Variants in LINGO2 observed in about 807,000 individuals in gnomAD.
LINGO2 encodes the protein leucine-rich repeat and immunoglobulin-like domain-containing nogo receptor-interacting protein 2.
Under a neutral mutation model 30.6 loss-of-function variants are expected in LINGO2, and 14 were observed. The ratio of observed to expected loss-of-function variants is 0.46; its 90% CI spans 0.30 to 0.72. LINGO2 has a LOEUF of 0.72. Among genes scored for constraint, LINGO2 ranks in the 30% least tolerant of loss-of-function variants. LINGO2 has a pLI of 0.07. For missense variants in LINGO2, 729 were observed against 751.7 expected, an observed-to-expected ratio of 0.97 and a Z score of 0.35; for synonymous variants, 317 against 288.5, an observed-to-expected ratio of 1.10 and a Z score of -1.00.
chr9:28,936,174 A>G, the LINGO2 span, among the ~76,000 whole-genome samples: 1 of 152,208 alleles, frequency 6.6e-6, no homozygotes, highest in Non-Finnish European at 1.5e-5. Flanking sequence ...AGTCATAAGG[A>G]GACTAATTTT....
chr9:29,148,484 C>T, the LINGO2 span, among the ~76,000 whole-genome samples: 18,743 of 151,998 alleles, frequency 0.12, 1,438 homozygotes, highest in South Asian at 0.17. Flanking sequence ...ATTATAGTGG[C>T]CCCCCTATAA....
At chr9:29,071,202 T>TTGTAC in the LINGO2 span, among the ~76,000 whole-genome samples, 1 of 129,556 alleles carries the variant, frequency 7.7e-6, no homozygotes, top group Non-Finnish European at 1.7e-5. Flanking sequence ...TTGTATTGTA[T>TTGTAC]TTTTTAGAGA....
chr9:28,536,985 T>C (rs1278062408), intron 1 of LINGO2, among the ~76,000 whole-genome samples: 1 of 152,042 alleles, frequency 6.6e-6, no homozygotes, highest in South Asian at 2.1e-4. Flanking sequence ...TAGAACAGAA[T>C]GGGCCTCTAA....
the LINGO2 span, among the ~76,000 whole-genome samples, chr9:28,732,407 AC>A: frequency 6.6e-6 from 1 of 152,230 alleles, no homozygotes; most frequent in South Asian, 2.1e-4. Context: ...ACAATAAAAA[AC>A]TTAAAACCAC....
chr9:28,296,666 G>C lies in LINGO2; in HGVS notation c.-245-1300C>G, dbSNP rs140503749. ...CAAGTGGAACACATGCCTTGCACTAGAATGCAGCACTTCAAAATAATTCCT... is the reference window on the plus strand; with the variant it reads ...CAAGTGGAACACATGCCTTGCACTACAATGCAGCACTTCAAAATAATTCCT... On this transcript the variant is annotated intron_variant, in intron 3 of 5. Coordinates refer to ENST00000379992, the Ensembl canonical transcript of LINGO2. Among the ~76,000 whole-genome samples the C allele has an allele frequency of 3.3e-4, 51 of 152,266 alleles. 1 individual carries two copies. The East Asian group carries it at 9.1e-3, about 27-fold the overall frequency.
At chr9:29,017,270 A>C in the LINGO2 span, among the ~76,000 whole-genome samples, 1 of 152,104 alleles carries the variant, frequency 6.6e-6, no homozygotes, top group African/African-American at 2.4e-5. Flanking sequence ...AATCCATATA[A>C]ACAATGAAGA....
chr9:28,750,299 TATTCTGCAGATGTAGGAATC>T, the LINGO2 span, among the ~76,000 whole-genome samples: 1 of 152,304 alleles, frequency 6.6e-6, no homozygotes, highest in Non-Finnish European at 1.5e-5. Flanking sequence ...CCCAGTCCCA[TATTCTGCAGATGTAGGAATC>T]ATGTGGCGTA....
At chr9:28,068,767 A>G (rs777388170) in intron 4 of LINGO2, among the ~76,000 whole-genome samples, 20 of 152,292 alleles carry the variant, frequency 1.3e-4, no homozygotes, top group Admixed American at 3.3e-4. Context: ...TTTAAGCTTG[A>G]TTTTTGAATT....
intron 3 of LINGO2, among the ~76,000 whole-genome samples, chr9:28,332,389 C>T (rs1825452092): frequency 6.6e-6 from 1 of 152,122 alleles, no homozygotes; most frequent in African/African-American, 2.4e-5. Context: ...TGGCCTGAGA[C>T]TCACATGGAA....
chr9:28,955,419 G>T, the LINGO2 span, among the ~76,000 whole-genome samples: 1 of 152,202 alleles, frequency 6.6e-6, no homozygotes, highest in Admixed American at 6.5e-5. Flanking sequence ...GCTTGCATGT[G>T]GATTAGGAAG....
chr9:28,004,361 A>AT (rs1563903276), intron 5 of LINGO2, among the ~76,000 whole-genome samples: 1 of 152,116 alleles, frequency 6.6e-6, no homozygotes, highest in African/African-American at 2.4e-5. Context: ...TATCCGATTC[A>AT]TTTTTTTCTC....
intron 4 of LINGO2, among the ~76,000 whole-genome samples, chr9:28,280,393 CATG>C (rs1224892803): frequency 1.3e-5 from 2 of 151,994 alleles, no homozygotes; most frequent in Non-Finnish European, 2.9e-5. Context: ...GGAATACAAA[CATG>C]AAAAGAAATT....
chr9:28,181,999 T>G (rs1819361556), intron 4 of LINGO2, among the ~76,000 whole-genome samples: 1 of 152,088 alleles, frequency 6.6e-6, no homozygotes, highest in Admixed American at 6.6e-5. Flanking sequence ...AGACCCTGTA[T>G]AGCCAAGACA....
At chr9:28,023,101 A>G (rs992602557) in intron 4 of LINGO2, among the ~76,000 whole-genome samples, 4 of 152,134 alleles carry the variant, frequency 2.6e-5, no homozygotes, top group Non-Finnish European at 5.9e-5. Context: ...CCTTTAACAT[A>G]TTAATCAGCT....
intron 1 of LINGO2, among the ~76,000 whole-genome samples, chr9:28,482,508 T>G (rs1826013133): frequency 6.6e-6 from 1 of 152,150 alleles, no homozygotes; most frequent in South Asian, 2.1e-4. Flanking sequence ...GAGTTCATTG[T>G]AGATTCTGGA....
intron 4 of LINGO2, among the ~76,000 whole-genome samples, chr9:28,077,250 C>T (rs1405147058): frequency 1.3e-5 from 2 of 151,904 alleles, no homozygotes; most frequent in Non-Finnish European, 2.9e-5. Flanking sequence ...ACCACAAAAT[C>T]TTAGATAGGA....
chr9:28,169,457 A>C (rs1347841381), intron 4 of LINGO2, among the ~76,000 whole-genome samples: 1 of 152,228 alleles, frequency 6.6e-6, no homozygotes, highest in African/African-American at 2.4e-5. Flanking sequence ...ACCGGAAGAA[A>C]ACATATTCAG....
chr9:28,338,053 A>C lies in LINGO2; in HGVS notation c.-246+34783T>G, dbSNP rs904212563. ...TACCATGCACCTGGAAAAGCCACAG[A>C]AACTCAATGCCAGCCTATGAAAGAA... On this transcript the variant is annotated intron_variant, in intron 3 of 5. Transcript: ENST00000379992. Among the ~76,000 whole-genome samples, 3 of 152,150 alleles carry C rather than the reference A, an allele frequency of 2.0e-5. No homozygotes were observed. The East Asian group carries it at 5.8e-4, about 29-fold the overall frequency.
the LINGO2 span, among the ~76,000 whole-genome samples, chr9:29,018,145 A>T: frequency 1.3e-5 from 2 of 149,272 alleles, no homozygotes; most frequent in Non-Finnish European, 3.0e-5. Context: ...GGCAATATGG[A>T]TGCAGTTGGA....
Sources: gnomAD v4.1 joint callset for allele counts (sites outside exome capture counted in the v4.1 genomes callset) on GRCh38, gnomAD v4.1.1 for gene constraint, MANE v1.5 for transcripts, NCBI Gene and HGNC (gene_info 2026-07-23, HGNC 2026-07-21) for gene names.